The following ARHGAP6 variants were observed in gnomAD, a reference collection of about 807,000 sequenced individuals.
ARHGAP6 encodes Rho GTPase activating protein 6.
A neutral mutation model predicts 55.7 loss-of-function variants in ARHGAP6; 16 were observed. The ratio of observed to expected loss-of-function variants is 0.29; its 90% CI spans 0.19 to 0.44. The LOEUF (loss-of-function observed/expected upper bound fraction) is 0.44, where lower values mean the gene tolerates loss of function less well. Ranked by LOEUF, ARHGAP6 falls within the 20% of genes least tolerant of loss-of-function variation. ARHGAP6 has a pLI of 1.00. For missense variants in ARHGAP6, 698 were observed against 808.9 expected, an observed-to-expected ratio of 0.86 and a Z score of 1.66; for synonymous variants, 382 against 360.9, an observed-to-expected ratio of 1.06 and a Z score of -0.66.
chrX:11,523,235 C>A (rs1286075125), intron 1 of ARHGAP6, among the ~76,000 whole-genome samples: 1 of 111,307 alleles, frequency 9.0e-6, no homozygotes, highest in Admixed American at 9.6e-5. Flanking sequence ...GGACATATCT[C>A]AAAATAATAA....
intron 4 of ARHGAP6, among the ~76,000 whole-genome samples, 188 bp from the exon 5 acceptor site, chrX:11,186,619 A>G (rs987861170): frequency 8.9e-6 from 1 of 111,992 alleles, no homozygotes; most frequent in Admixed American, 9.5e-5. Context: ...AAGTTAGAAA[A>G]CCTCTACAAG....
At chrX:11,282,041 T>G (rs1330731470) in intron 1 of ARHGAP6, among the ~76,000 whole-genome samples, 1 of 112,097 alleles carries the variant, frequency 8.9e-6, no homozygotes, top group African/African-American at 3.2e-5. Context: ...AAATTAGCAC[T>G]TCTTTGCTGG....
intron 1 of ARHGAP6, among the ~76,000 whole-genome samples, chrX:11,470,741 A>G (rs2050339564): frequency 8.9e-6 from 1 of 112,023 alleles, no homozygotes; most frequent in Non-Finnish European, 1.9e-5. Context: ...ATTACTTTCA[A>G]CTGTAGGAAC....
At chrX:11,156,091 C>G (rs2045859209) in intron 10 of ARHGAP6, among the ~76,000 whole-genome samples, 1 of 112,466 alleles carries the variant, frequency 8.9e-6, no homozygotes, top group Non-Finnish European at 1.9e-5. Context: ...TAGGCCTCAG[C>G]TAAGGTCTGT....
chrX:11,403,915 T>C (rs906756543), intron 1 of ARHGAP6, among the ~76,000 whole-genome samples: 1 of 112,437 alleles, frequency 8.9e-6, no homozygotes, highest in Non-Finnish European at 1.9e-5. Context: ...GGCTCTAACA[T>C]TGAAATGGGC....
intron 1 of ARHGAP6, among the ~76,000 whole-genome samples, chrX:11,301,717 T>A (rs867004694): frequency 8.9e-6 from 1 of 112,112 alleles, no homozygotes; most frequent in Middle Eastern, 4.6e-3. Context: ...TTAAGCACAC[T>A]CTAGGGCAAG....
At chrX:11,339,165 T>C (rs1198877842) in intron 1 of ARHGAP6, among the ~76,000 whole-genome samples, 1 of 112,186 alleles carries the variant, frequency 8.9e-6, no homozygotes, top group Non-Finnish European at 1.9e-5. Flanking sequence ...TCAACAAATA[T>C]TTGCTGAAGG....
At chrX:11,297,301 G>A (rs910272354) in intron 1 of ARHGAP6, among the ~76,000 whole-genome samples, 3 of 111,841 alleles carry the variant, frequency 2.7e-5, no homozygotes, top group African/African-American at 6.5e-5. Context: ...GCAGAACAGC[G>A]GAATGCATGA....
intron 2 of ARHGAP6, among the ~76,000 whole-genome samples, chrX:11,225,261 T>C (rs1569263691): frequency 9.0e-6 from 1 of 110,696 alleles, no homozygotes; most frequent in South Asian, 3.9e-4. Context: ...AAGGCAATCA[T>C]TGTTGGAAGG....
intron 1 of ARHGAP6, among the ~76,000 whole-genome samples, chrX:11,416,385 T>C (rs1335355698): frequency 8.9e-6 from 1 of 111,806 alleles, no homozygotes; most frequent in Admixed American, 9.5e-5. Flanking sequence ...CATAATCATA[T>C]GGTAAAACTG....
intron 6 of ARHGAP6, among the ~76,000 whole-genome samples, chrX:11,181,690 G>A (rs770193040): frequency 1.8e-5 from 2 of 112,718 alleles, no homozygotes; most frequent in African/African-American, 3.2e-5. Flanking sequence ...TGAAGGGAAT[G>A]TTAATGGCAT....
At chrX:11,186,478 A>T (rs1276387682) in intron 4 of ARHGAP6, 47 bp from the exon 5 acceptor site, 1 of 1,060,724 alleles carries the variant, frequency 9.4e-7, no homozygotes. Context: ...ATAGCCAAAA[A>T]ACCCAGCTGC....
chrX:11,322,666 A>C (rs1231175647), intron 1 of ARHGAP6, among the ~76,000 whole-genome samples: 1 of 112,418 alleles, frequency 8.9e-6, no homozygotes, highest in Non-Finnish European at 1.9e-5. Context: ...TTGATGTGGT[A>C]AATAGGATAA....
intron 1 of ARHGAP6, among the ~76,000 whole-genome samples, chrX:11,483,313 G>T (rs1276003842): frequency 5.3e-5 from 6 of 112,157 alleles, no homozygotes; most frequent in Non-Finnish European, 9.4e-5. Flanking sequence ...AACCACTCAT[G>T]TTAACTCCGT....
chrX:11,559,409 C>T (rs1481515541), intron 1 of ARHGAP6, among the ~76,000 whole-genome samples: 1 of 111,138 alleles, frequency 9.0e-6, no homozygotes. Flanking sequence ...ACCAGCAAGC[C>T]TTTGTTGTCC....
At chrX:11,582,488 C>A (rs767904598) in intron 1 of ARHGAP6, among the ~76,000 whole-genome samples, 2 of 111,981 alleles carry the variant, frequency 1.8e-5, no homozygotes, top group Non-Finnish European at 3.8e-5. Flanking sequence ...ACAGCCAGCC[C>A]TTTTTTATTG....
intron 1 of ARHGAP6, among the ~76,000 whole-genome samples, chrX:11,429,977 T>C (rs1190493635): frequency 1.8e-5 from 2 of 112,095 alleles, no homozygotes; most frequent in African/African-American, 6.5e-5. Context: ...CTGTGGTCTA[T>C]TCATAAAGGT....
At chrX:11,369,845 G>T (rs914975972) in intron 1 of ARHGAP6, among the ~76,000 whole-genome samples, 1 of 111,913 alleles carries the variant, frequency 8.9e-6, no homozygotes, top group Non-Finnish European at 1.9e-5. Context: ...AATATCAAAG[G>T]GTAATGAGCA....
chrX:11,564,358 G>A (rs929008930), intron 1 of ARHGAP6, among the ~76,000 whole-genome samples: 4 of 110,805 alleles, frequency 3.6e-5, no homozygotes, highest in African/African-American at 9.8e-5. Flanking sequence ...AAGATTAAAA[G>A]TATTAATAAG....
Sources: allele counts gnomAD v4.1 joint callset (sites outside exome capture counted in the v4.1 genomes callset), GRCh38; gene constraint gnomAD v4.1.1; transcripts MANE v1.5; gene names NCBI Gene and HGNC (gene_info 2026-07-23, HGNC 2026-07-21).